Variants in SETD2 observed in about 807,000 individuals in gnomAD.
SETD2 encodes the protein SET domain containing 2, histone lysine methyltransferase, also known as histone-lysine N-methyltransferase SETD2.
A neutral mutation model predicts 242.1 loss-of-function variants in SETD2; 31 were observed. That is an observed-to-expected ratio of 0.13 (90% confidence interval 0.10 to 0.17). SETD2 has a LOEUF of 0.17. Ranked by LOEUF, SETD2 falls within the 10% of genes least tolerant of loss-of-function variation. The probability of loss-of-function intolerance (pLI) is 1.00; values close to 1 mark genes in which losing one functional copy is unlikely to be tolerated. For synonymous variants in SETD2, 1,006 were observed against 1,066.5 expected, an observed-to-expected ratio of 0.94 and a Z score of 1.11; for missense variants, 2,481 against 3,046.3, an observed-to-expected ratio of 0.81 and a Z score of 4.37.
intron 9 of SETD2, among the ~76,000 whole-genome samples, chr3:47,097,587 T>G (rs574869625): frequency 6.6e-6 from 1 of 152,180 alleles, no homozygotes; most frequent in African/African-American, 2.4e-5. Flanking sequence ...TTTCAGAGAT[T>G]TGAAGAACAC....
intron 14 of SETD2, among the ~76,000 whole-genome samples, chr3:47,059,955 T>C (rs2040262279): frequency 6.6e-6 from 1 of 152,206 alleles, no homozygotes; most frequent in South Asian, 2.1e-4. Context: ...AGCTAATTTT[T>C]TGTATTTTTA....
In SETD2 at chr3:47,111,079, T is replaced by TAAAAAA. The variant is rs10672755; in HGVS notation, c.4715+2791_4715+2796dup. Among the ~76,000 whole-genome samples the TAAAAAA allele has an allele frequency of 3.4e-3, 268 of 78,792 alleles. 34 individuals carry two copies. The highest frequency in any genetic ancestry group is 4.9e-3 in the Non-Finnish European group (218 of 44,124). 51.7% of individuals were successfully genotyped at this position (78,792 alleles called of 152,430 possible). ...GCTTGTGTCCAAACTGTGGTTCCTT[T>TAAAAAA]AAAAAAAAAAAAAAAAAAAAAAAAA... On this transcript the variant is annotated intron_variant, in intron 5 of 20. Transcript: ENST00000409792.
Position 47,116,763 on chromosome 3 carries a change from T to C in SETD2, c.4455-9A>G. The C allele has an allele frequency of 1.3e-6, 2 of 1,554,310 alleles. No individual in the cohort carries two copies. Among genetic ancestry groups the C allele is most frequent in the Non-Finnish European group, 1.8e-6 (2 of 1,133,594 alleles). ...GAGATTTATTCTTCTTTCTATTGGG[T>C]AAAATTTCATAAAAACTGATTAAAT... On this transcript the variant is annotated splice_polypyrimidine_tract_variant and intron_variant, in intron 3 of 20. Coordinates refer to ENST00000409792, the MANE Select transcript of SETD2 (RefSeq NM_014159.7).
rs201148347 is a variant in SETD2 at position 47,123,436 on chromosome 3, T to C, written c.1200A>G (p.Arg400=). Residue 400 remains arginine (R), a synonymous_variant, in exon 3 of 21, where the codon CGA becomes CGG. Transcript: ENST00000409792. ...ACCTAGAGTGAGATCTGCTCCGCCG[T>C]CGCTCTCTTTCTGATCTACATCGGG... ...VSSRCRSERE[R]RRSRSHSRSE... is the part of the protein sequence containing the mutation. The C allele has an allele frequency of 4.5e-5, 70 of 1,551,484 alleles. No individual in the cohort carries two copies. Among genetic ancestry groups the C allele is most frequent in the Non-Finnish European group, 2.6e-6 (3 of 1,146,976 alleles).
chr3:47,124,460 G>T lies in SETD2; in HGVS notation c.176C>A (p.Thr59Asn), dbSNP rs2106728498. 6.4e-7 allele frequency: 1 copy of T among 1,551,784 alleles called. No homozygotes were observed. The highest frequency in any genetic ancestry group is 2.4e-5 in the East Asian group (1 of 40,920). Residue 59 changes from threonine (T) to asparagine (N), a missense_variant, in exon 3 of 21, where the codon ACC (threonine) becomes AAC (asparagine). Transcript: ENST00000409792. ...VASSRFLPKG[T>N]KTKVNLEEQG... is the part of the protein sequence containing the mutation. ...TTCTTCCAAATTAACTTTTGTTTTG[G>T]TGCCTTTGGGCAAAAATCGACTAGA...
In SETD2 at chr3:47,121,195, C is replaced by T. The variant is rs201617976; in HGVS notation, c.3441G>A (p.Gln1147=). The T allele has an allele frequency of 8.2e-5, 132 of 1,613,946 alleles. No homozygotes were observed. Among genetic ancestry groups the T allele is most frequent in the Non-Finnish European group, 1.1e-4 (125 of 1,179,964 alleles). The part of the protein sequence containing the change: ...TEKNPEISFT[Q]SSRKQIDNRL... ...GATTATCTATTTGTTTTCTACTGGA[C>T]TGTGTAAAAGAAATTTCCGGATTCT... Residue 1147 remains glutamine, a synonymous_variant, in exon 3 of 21, where the codon CAG becomes CAA. Transcript: ENST00000409792.
Position 47,127,460 on chromosome 3 carries a change from GC to G in SETD2, c.72-798del, listed in dbSNP as rs771872961. 1.9e-3 allele frequency: 655 copies of G among 337,464 alleles called. 3 individuals are homozygous for G. Among genetic ancestry groups the G allele is most frequent in the Non-Finnish European group, 2.9e-3 (484 of 166,878 alleles). 20.9% of individuals were successfully genotyped at this position (337,464 alleles called of 1,614,324 possible). On this transcript the variant is annotated intron_variant, in intron 1 of 20. Transcript: ENST00000409792. ...ACATAAAATAAGGCTGGGTGTAGTGGCCCACACTTGTAATCCCAACACTTTA... is the reference window on the plus strand; with the variant it reads ...ACATAAAATAAGGCTGGGTGTAGTGGCCACACTTGTAATCCCAACACTTTA...
chr3:47,066,983 A>C, intron 13 of SETD2, 87 bp downstream of exon 13: 15 of 975,986 alleles, frequency 1.5e-5, no homozygotes, highest in Non-Finnish European at 2.3e-5. Context: ...TCAAAAACAA[A>C]AACGCTTAAG....
At chr3:47,049,238 T>C (rs910141838) in intron 15 of SETD2, among the ~76,000 whole-genome samples, 2 of 146,648 alleles carry the variant, frequency 1.4e-5, no homozygotes, top group Non-Finnish European at 3.0e-5. Flanking sequence ...GACAACACAC[T>C]GGGCCAAATA....
chr3:47,102,619 C>T (rs562367586), intron 7 of SETD2, among the ~76,000 whole-genome samples: 4 of 152,090 alleles, frequency 2.6e-5, no homozygotes, highest in Admixed American at 6.5e-5. Context: ...GGCAAAACCC[C>T]GTCTCTACTA....
intron 9 of SETD2, among the ~76,000 whole-genome samples, chr3:47,091,557 G>A (rs930878644): frequency 1.3e-5 from 2 of 152,164 alleles, no homozygotes; most frequent in East Asian, 1.9e-4. Context: ...AAGGTCAGGA[G>A]TTCAAGACCA....
chr3:47,056,186 G>A (rs945863650), intron 15 of SETD2, among the ~76,000 whole-genome samples: 2 of 150,112 alleles, frequency 1.3e-5, no homozygotes, highest in African/African-American at 2.5e-5. Context: ...GTACAGTGAC[G>A]CTATCTCAGC....
At chr3:47,038,281 G>C (rs1224754680) in intron 17 of SETD2, among the ~76,000 whole-genome samples, 1 of 152,100 alleles carries the variant, frequency 6.6e-6, no homozygotes, top group East Asian at 1.9e-4. Flanking sequence ...CTGCCCCTCT[G>C]GTTTAATGAC....
chr3:47,125,884 A>G (rs1256896400), intron 2 of SETD2, among the ~76,000 whole-genome samples: 1 of 152,244 alleles, frequency 6.6e-6, no homozygotes, highest in Non-Finnish European at 1.5e-5. Context: ...CTTCTAATTA[A>G]TGTTCTTTAA....
chr3:47,082,715 AAAG>A (rs1393948785), intron 12 of SETD2, among the ~76,000 whole-genome samples: 1 of 152,206 alleles, frequency 6.6e-6, no homozygotes, highest in Non-Finnish European at 1.5e-5. Context: ...CAACATACTT[AAAG>A]AAGGGTCTCA....
intron 10 of SETD2, 60 bp downstream of exon 10, chr3:47,088,053 C>CTTCA: frequency 1.3e-6 from 2 of 1,491,408 alleles, no homozygotes; most frequent in Non-Finnish European, 1.8e-6. Context: ...CTTCATTCAT[C>CTTCA]TTCATTCATT....
intron 4 of SETD2, among the ~76,000 whole-genome samples, chr3:47,115,334 C>T (rs889228177): frequency 6.6e-6 from 1 of 151,952 alleles, no homozygotes; most frequent in East Asian, 1.9e-4. Context: ...TATTTTTCTT[C>T]ATGTATGCTT....
At chr3:47,025,339 C>G (rs1047021426) in intron 18 of SETD2, among the ~76,000 whole-genome samples, 1 of 152,180 alleles carries the variant, frequency 6.6e-6, no homozygotes, top group Non-Finnish European at 1.5e-5. Context: ...GTCGTAGTTC[C>G]TAACTTTGCC....
Position 47,057,308 on chromosome 3 carries a change from G to A in SETD2, c.6476C>T (p.Ala2159Val), listed in dbSNP as rs2107576959. 1 of 1,614,166 alleles carries A rather than the reference G, an allele frequency of 6.2e-7. No homozygotes were observed. The highest frequency in any genetic ancestry group is 8.5e-7 in the Non-Finnish European group (1 of 1,180,034). Residue 2159 changes from alanine to valine, a missense_variant, in exon 15 of 21, where the codon GCC becomes GTC. Coordinates refer to ENST00000409792, the MANE Select transcript of SETD2 (RefSeq NM_014159.7). ...PLPYDSLGYNAPHHPFAGYPP... is the reference protein window; with the variant it reads ...PLPYDSLGYNVPHHPFAGYPP... ...GTAACCAGCAAAGGGATGATGCGGGGCATTATAACCAAGAGAGTCATAGGG... is the reference window on the plus strand; with the variant it reads ...GTAACCAGCAAAGGGATGATGCGGGACATTATAACCAAGAGAGTCATAGGG...
Sources: allele counts gnomAD v4.1 joint callset (sites outside exome capture counted in the v4.1 genomes callset), GRCh38; gene constraint gnomAD v4.1.1; transcripts MANE v1.5; gene names NCBI Gene and HGNC (gene_info 2026-07-23, HGNC 2026-07-21).